The following FOSL2 variants were observed in gnomAD, a reference collection of about 807,000 sequenced individuals.
The protein encoded by FOSL2 is FOS like 2, AP-1 transcription factor subunit.
Under a neutral mutation model 27.7 loss-of-function variants are expected in FOSL2, and 3 were observed. That is an observed-to-expected ratio of 0.11 (90% CI 0.05 to 0.28). FOSL2 has a LOEUF of 0.28. Among genes scored for constraint, FOSL2 ranks in the 10% least tolerant of loss-of-function variants. FOSL2 has a pLI of 1.00. For synonymous variants in FOSL2, 179 were observed against 190.1 expected (o/e 0.94, Z 0.48); for missense variants, 333 against 445.1 (o/e 0.75, Z 2.27).
chr2:28,395,006 C>A (rs551744217), intron 1 of FOSL2, among the ~76,000 whole-genome samples: 8 of 152,092 alleles, frequency 5.3e-5, no homozygotes, highest in Admixed American at 5.2e-4. Context: ...TGGGGGGGTC[C>A]CTTGTTCCAA....
intron 1 of FOSL2, among the ~76,000 whole-genome samples, chr2:28,400,287 C>T (rs74396665): frequency 0.046 from 6,990 of 152,218 alleles, 519 homozygotes; most frequent in African/African-American, 0.16. Context: ...AGTGTTAACT[C>T]GTCCGTAGAG....
At chr2:28,395,328 C>G (rs1480813552) in intron 1 of FOSL2, among the ~76,000 whole-genome samples, 1 of 152,244 alleles carries the variant, frequency 6.6e-6, no homozygotes, top group Non-Finnish European at 1.5e-5. Flanking sequence ...CTCCTCCTCC[C>G]TGAAATCAGG....
intron 2 of FOSL2, among the ~76,000 whole-genome samples, chr2:28,406,225 A>AT (rs941901861): frequency 2.6e-5 from 4 of 151,620 alleles, no homozygotes; most frequent in African/African-American, 9.7e-5. Context: ...TGCCTGGCTA[A>AT]TTTTTTTTGT....
intron 1 of FOSL2, among the ~76,000 whole-genome samples, chr2:28,400,846 G>A (rs955953931): frequency 3.3e-5 from 5 of 152,218 alleles, no homozygotes; most frequent in African/African-American, 1.2e-4. Context: ...TATTCTGAAG[G>A]GGTCTTTGTC....
chr2:28,401,874 A>G (rs1211812574), intron 1 of FOSL2, among the ~76,000 whole-genome samples: 1 of 152,104 alleles, frequency 6.6e-6, no homozygotes, highest in Non-Finnish European at 1.5e-5. Context: ...CCCAGAATCC[A>G]TTGTACTGGG....
rs1438041207 is a variant in FOSL2, at chr2:28,404,081, A to C, written c.103-26A>C. Reference sequence around the variant, plus strand: ...TGTTCAGCTTAGTATTTATTGGCTCATTTGTATTTTTTTTCCTCATTTCAG... The same window carrying C: ...TGTTCAGCTTAGTATTTATTGGCTCCTTTGTATTTTTTTTCCTCATTTCAG... On this transcript the variant is annotated intron_variant, in intron 1 of 3. Coordinates refer to ENST00000264716, the MANE Select transcript of FOSL2 (RefSeq NM_005253.4). This position sits in a 1 kb window ranked among gnomAD's most constrained non-coding sequence, Gnocchi z 4.7. The C allele has an allele frequency of 1.2e-6, 2 of 1,613,332 alleles. No homozygotes were observed. Among genetic ancestry groups the C allele is most frequent in the South Asian group, 2.2e-5 (2 of 91,018 alleles).
At chr2:28,411,785 G>A in intron 3 of FOSL2, 145 bp from the exon 4 acceptor site, 1 of 779,412 alleles carries the variant, frequency 1.3e-6, no homozygotes, top group East Asian at 2.6e-5. Flanking sequence ...CCAGGTGACT[G>A]AGAGACTCAG....
At chr2:28,403,645 A>G (rs1463489535) in intron 1 of FOSL2, among the ~76,000 whole-genome samples, 2 of 152,160 alleles carry the variant, frequency 1.3e-5, no homozygotes, top group Non-Finnish European at 2.9e-5. Flanking sequence ...TTGTTGGTCC[A>G]AGGCTACTGG....
At chr2:28,401,705 A>T (rs1474529165) in intron 1 of FOSL2, among the ~76,000 whole-genome samples, 1 of 152,058 alleles carries the variant, frequency 6.6e-6, no homozygotes, top group Non-Finnish European at 1.5e-5. Flanking sequence ...CTTGAAGATC[A>T]TTTCCCACTT....
chr2:28,411,839 A>C, intron 3 of FOSL2, 91 bp from the exon 4 acceptor site: 1 of 1,407,062 alleles, frequency 7.1e-7, no homozygotes, highest in Non-Finnish European at 1.0e-6. Flanking sequence ...CTGCTCTCAC[A>C]GTGTCTGAGA....
chr2:28,404,415 C>T lies in FOSL2; in HGVS notation c.354+57C>T. ...TCAGTGGCTTTCAGAGCCCCAGAAA[C>T]ACAGAACGGGTTTCTGCAGACTGGG... is the stretch of plus-strand genomic sequence containing the variant. On this transcript the variant is annotated intron_variant, in intron 2 of 3. Coordinates refer to ENST00000264716, the MANE Select transcript of FOSL2 (RefSeq NM_005253.4). This position sits in a 1 kb window ranked among gnomAD's most constrained non-coding sequence, Gnocchi z 4.7. 6.4e-7 allele frequency: 1 copy of T among 1,567,648 alleles called. No individual in the cohort carries two copies.
chr2:28,408,885 G>A lies in FOSL2; in HGVS notation c.462+19G>A, dbSNP rs369276702. The A allele has an allele frequency of 1.3e-6, 2 of 1,572,188 alleles. No individual in the cohort carries two copies. Among genetic ancestry groups the A allele is most frequent in the African/African-American group, 2.7e-5 (2 of 73,874 alleles). On this transcript the variant is annotated intron_variant, in intron 3 of 3. Coordinates refer to ENST00000264716, the MANE Select transcript of FOSL2 (RefSeq NM_005253.4). This position sits in a 1 kb window ranked among gnomAD's most constrained non-coding sequence, Gnocchi z 4.1. ...GCAGGCGGTGAGGAACTCTGCGTAGGGTGGGAGCACCTCTGGGTGGGCTGG... is the reference window on the plus strand; with the variant it reads ...GCAGGCGGTGAGGAACTCTGCGTAGAGTGGGAGCACCTCTGGGTGGGCTGG...
At chr2:28,399,704 T>A (rs550233274) in intron 1 of FOSL2, among the ~76,000 whole-genome samples, 2 of 152,210 alleles carry the variant, frequency 1.3e-5, no homozygotes, top group African/African-American at 4.8e-5. Flanking sequence ...CAGTTCTGAC[T>A]TTTTGCTTTC....
intron 3 of FOSL2, among the ~76,000 whole-genome samples, chr2:28,409,234 CCAGGG>C (rs1428471411): frequency 1.3e-5 from 2 of 152,102 alleles, no homozygotes; most frequent in Non-Finnish European, 2.9e-5. Context: ...CCTGCCCCAT[CCAGGG>C]CTGCTTCCCG....
In FOSL2 at chr2:28,412,089, C is replaced by T. The variant is rs1222511377; in HGVS notation, c.622C>T (p.Pro208Ser). 3.1e-6 allele frequency: 5 copies of T among 1,606,504 alleles called. No homozygotes were observed. The highest frequency in any genetic ancestry group is 4.2e-6 in the Non-Finnish European group (5 of 1,179,852). ...ATCGCCCCCAGCCCCTGGGCTGCAG[C>T]CCATGCGCAGTGGGGGTGGCTCGGT... ...RRSPPAPGLQ[P>S]MRSGGGSVGA... Residue 208 changes from proline (P) to serine (S), a missense_variant, in exon 4 of 4, where the codon CCC (proline) becomes TCC (serine). Transcript: ENST00000264716. This position sits in a 1 kb window ranked among gnomAD's most constrained non-coding sequence, Gnocchi z 7.1.
Position 28,402,456 on chromosome 2 carries a change from A to G in FOSL2, c.103-1651A>G, listed in dbSNP as rs561064292. 5.9e-5 allele frequency among the ~76,000 whole-genome samples: 9 copies of G among 152,352 alleles called. No individual in the cohort carries two copies. The South Asian group carries it at 6.2e-4, about 11-fold the overall frequency. On this transcript the variant is annotated intron_variant, in intron 1 of 3. Transcript: ENST00000264716. ...TCTGTCAGCTGTAGTGAGGTACTCT[A>G]TGTGTTATTTACACAGCAGGAACCC...
intron 1 of FOSL2, among the ~76,000 whole-genome samples, chr2:28,403,702 G>C (rs1664018825): frequency 6.6e-6 from 1 of 152,212 alleles, no homozygotes. Flanking sequence ...CTGAGAAACA[G>C]TTGGCAGGCG....
At position 28,416,615 on chromosome 2, in the gene FOSL2, A is replaced by G. The variant is rs1359638045; in HGVS notation, c.*4167A>G. 1.3e-5 allele frequency: 2 copies of G among 152,154 alleles called. No homozygotes were observed. The highest frequency in any genetic ancestry group is 4.8e-5 in the African/African-American group (2 of 41,436). 9.4% of individuals were successfully genotyped at this position (152,154 alleles called of 1,614,324 possible). ...GTGGTCGCCAAGACATCTACATTGT[A>G]AGAGAACACAGTGGAAGATCCTGTC... On this transcript the variant is annotated 3_prime_UTR_variant, in exon 4 of 4. Transcript: ENST00000264716.
chr2:28,407,050 A>C (rs1183429976), intron 2 of FOSL2, among the ~76,000 whole-genome samples: 1 of 152,158 alleles, frequency 6.6e-6, no homozygotes, highest in South Asian at 2.1e-4. Flanking sequence ...GTTGCCCCAC[A>C]CCTCACCAGT....
Sources: allele counts gnomAD v4.1 joint callset (sites outside exome capture counted in the v4.1 genomes callset), GRCh38; gene constraint gnomAD v4.1.1; non-coding constraint Gnocchi (gnomAD v3.1); transcripts MANE v1.5; gene names NCBI Gene and HGNC (gene_info 2026-07-23, HGNC 2026-07-21).